HLCS: variants seen among roughly 807,000 people sequenced by gnomAD.
HLCS encodes holocarboxylase synthetase, also known as biotin--protein ligase.
A neutral mutation model predicts 75.0 loss-of-function variants in HLCS; 53 were observed. The observed-to-expected ratio is 0.71, with a 90% CI of 0.57 to 0.89. The LOEUF is 0.89. Among genes scored for constraint, HLCS ranks in the 40% least tolerant of loss-of-function variants. The pLI, the probability that HLCS is intolerant of heterozygous loss-of-function variation, is 0.00. For missense variants in HLCS, 966 were observed against 1,074.0 expected, an observed-to-expected ratio of 0.90 and a Z score of 1.41; for synonymous variants, 431 against 428.6, an observed-to-expected ratio of 1.01 and a Z score of -0.07.
chr21:36,859,637 G>A (rs2063317754), intron 6 of HLCS, among the ~76,000 whole-genome samples: 1 of 152,248 alleles, frequency 6.6e-6, no homozygotes, highest in Non-Finnish European at 1.5e-5. Flanking sequence ...GAGTGGCCTT[G>A]CTGCACAGAG....
intron 6 of HLCS, among the ~76,000 whole-genome samples, chr21:36,886,387 C>T (rs373338292): frequency 3.3e-4 from 48 of 145,042 alleles, no homozygotes; most frequent in African/African-American, 1.2e-3. Flanking sequence ...GAGCTGATAT[C>T]GCACCACCGC....
intron 6 of HLCS, among the ~76,000 whole-genome samples, chr21:36,768,137 C>T (rs913617592): frequency 1.2e-4 from 19 of 152,324 alleles, no homozygotes; most frequent in Admixed American, 3.3e-4. Flanking sequence ...AGGCGCGGTT[C>T]GAGGTAGGAT....
At chr21:36,955,294 T>C (rs2146625899) in intron 2 of HLCS, among the ~76,000 whole-genome samples, 1 of 152,256 alleles carries the variant, frequency 6.6e-6, no homozygotes, top group Non-Finnish European at 1.5e-5. Context: ...AAAAAAAGTT[T>C]AAAAAGTAAG....
intron 5 of HLCS, among the ~76,000 whole-genome samples, chr21:36,921,461 A>G (rs2146449504): frequency 6.6e-6 from 1 of 152,328 alleles, no homozygotes; most frequent in African/African-American, 2.4e-5. Context: ...AGAAAAAAGA[A>G]TATTCACTTT....
chr21:36,805,031 T>C (rs1414546467), intron 6 of HLCS, among the ~76,000 whole-genome samples: 2 of 152,156 alleles, frequency 1.3e-5, no homozygotes, highest in Admixed American at 1.3e-4. Context: ...CAAAGGACAT[T>C]GTGGAGAGAT....
chr21:36,784,595 C>T (rs1030289269), intron 6 of HLCS, among the ~76,000 whole-genome samples: 1 of 152,116 alleles, frequency 6.6e-6, no homozygotes, highest in Non-Finnish European at 1.5e-5. Flanking sequence ...GGATTACAGG[C>T]GTGAGCCACC....
At chr21:36,860,074 T>C (rs556018416) in intron 6 of HLCS, among the ~76,000 whole-genome samples, 10 of 152,376 alleles carry the variant, frequency 6.6e-5, no homozygotes, top group Non-Finnish European at 1.2e-4. Context: ...GTTCCCTGCA[T>C]GTGTGCACAC....
At chr21:36,873,230 G>C (rs2063834576) in intron 6 of HLCS, among the ~76,000 whole-genome samples, 1 of 152,004 alleles carries the variant, frequency 6.6e-6, no homozygotes, top group Non-Finnish European at 1.5e-5. Context: ...CGATTCTCCT[G>C]CCTCAGCCTC....
Position 36,961,978 on chromosome 21 carries a change from T to C in HLCS, c.330+58A>G. On this transcript the variant is annotated intron_variant, in intron 2 of 10. Coordinates refer to ENST00000674895, the MANE Select transcript of HLCS (RefSeq NM_001352514.2). ...CAGGAAAAAAAAAAAAAAAGCAAAT[T>C]TGGTTTTGACTAAGACACATCAGTT... is the stretch of plus-strand genomic sequence containing the variant. 4.0e-6 allele frequency: 4 copies of C among 1,006,254 alleles called. No homozygotes were observed. In the South Asian group the frequency reaches 6.0e-5, roughly 15 times the overall value. 62.3% of individuals were successfully genotyped at this position (1,006,254 alleles called of 1,614,324 possible).
At chr21:36,759,673 T>C in intron 9 of HLCS, 54 bp downstream of exon 9, 1 of 1,055,424 alleles carries the variant, frequency 9.5e-7, no homozygotes, top group East Asian at 2.4e-5. Context: ...ACCGTCTTTA[T>C]TTTTATTGTT....
chr21:36,791,110 A>G (rs1318189138), intron 6 of HLCS, among the ~76,000 whole-genome samples: 1 of 152,224 alleles, frequency 6.6e-6, no homozygotes, highest in African/African-American at 2.4e-5. Flanking sequence ...AAACAGCAAC[A>G]TATAGGCTTG....
At chr21:36,861,774 G>A (rs1452882486) in intron 6 of HLCS, among the ~76,000 whole-genome samples, 1 of 152,172 alleles carries the variant, frequency 6.6e-6, no homozygotes, top group Non-Finnish European at 1.5e-5. Flanking sequence ...TAGCTTTACT[G>A]AGACATAATT....
chr21:36,981,249 T>C (rs1273104713), intron 1 of HLCS, among the ~76,000 whole-genome samples: 3 of 152,222 alleles, frequency 2.0e-5, no homozygotes, highest in Admixed American at 2.0e-4. Flanking sequence ...TAGCCAAATT[T>C]GGCACTCCTG....
intron 6 of HLCS, among the ~76,000 whole-genome samples, chr21:36,835,660 C>A (rs2062384031): frequency 6.6e-6 from 1 of 152,172 alleles, no homozygotes; most frequent in South Asian, 2.1e-4. Context: ...TGGCCCTGGG[C>A]ACCTCTCCCA....
At chr21:36,794,415 T>G (rs2060964443) in intron 6 of HLCS, among the ~76,000 whole-genome samples, 1 of 152,178 alleles carries the variant, frequency 6.6e-6, no homozygotes, top group Admixed American at 6.5e-5. Context: ...GAGCATACCA[T>G]GAAGACATGT....
chr21:36,854,313 C>T (rs983964913), intron 6 of HLCS, among the ~76,000 whole-genome samples: 1 of 152,162 alleles, frequency 6.6e-6, no homozygotes, highest in Admixed American at 6.5e-5. Flanking sequence ...GCTATAATGG[C>T]ACCCTATTAC....
At chr21:36,874,295 G>A (rs970077207) in intron 6 of HLCS, among the ~76,000 whole-genome samples, 23 of 152,154 alleles carry the variant, frequency 1.5e-4, no homozygotes, top group Admixed American at 3.3e-4. Flanking sequence ...TCAGCTACTC[G>A]GGAGGCTGAG....
chr21:36,960,532 C>T (rs1217215742), intron 2 of HLCS, among the ~76,000 whole-genome samples: 1 of 152,184 alleles, frequency 6.6e-6, no homozygotes, highest in African/African-American at 2.4e-5. Flanking sequence ...CGCTCCAGGG[C>T]CCCCATCAGA....
chr21:36,874,811 A>G (rs996170330), intron 6 of HLCS, among the ~76,000 whole-genome samples: 1 of 151,886 alleles, frequency 6.6e-6, no homozygotes, highest in Non-Finnish European at 1.5e-5. Flanking sequence ...CCATGCTCCC[A>G]GGTGCAGCTG....
Sources: allele counts gnomAD v4.1 joint callset (sites outside exome capture counted in the v4.1 genomes callset), GRCh38; gene constraint gnomAD v4.1.1; transcripts MANE v1.5; gene names NCBI Gene and HGNC (gene_info 2026-07-23, HGNC 2026-07-21).